CLTC: variants seen among roughly 807,000 people sequenced by gnomAD.
CLTC encodes clathrin heavy chain 1.
In CLTC, 16 loss-of-function variants were observed where a neutral mutation model predicts 195.8. The observed-to-expected ratio is 0.08, with a 90% CI of 0.06 to 0.12. The LOEUF (loss-of-function observed/expected upper bound fraction) is 0.12, where lower values mean the gene tolerates loss of function less well. CLTC is among the 10% of genes least tolerant of loss of function. The pLI, the probability that CLTC is intolerant of heterozygous loss-of-function variation, is 1.00. For synonymous variants in CLTC, 667 were observed against 689.4 expected, an observed-to-expected ratio of 0.97 and a Z score of 0.51; for missense variants, 796 against 2,027.0, an observed-to-expected ratio of 0.39 and a Z score of 11.66.
intron 4 of CLTC, among the ~76,000 whole-genome samples, chr17:59,650,408 G>T (rs1000950823): frequency 1.1e-4 from 16 of 151,386 alleles, no homozygotes; most frequent in Admixed American, 2.0e-4. Flanking sequence ...ACCATTGTAG[G>T]TAATGTATTA....
At chr17:59,646,018 T>C in intron 2 of CLTC, 2 of 816,398 alleles carry the variant, frequency 2.4e-6, no homozygotes, top group Non-Finnish European at 1.5e-6. Context: ...TGTGTGCAGA[T>C]GGTGAGTTAT....
chr17:59,625,027 C>A (rs1245862656), intron 1 of CLTC, among the ~76,000 whole-genome samples: 1 of 151,766 alleles, frequency 6.6e-6, no homozygotes, highest in Non-Finnish European at 1.5e-5. Context: ...AATATTATTT[C>A]AATATGTAAT....
rs541743188 is a variant in CLTC, at chr17:59,636,487, G to A, written c.43-7789G>A. Among the ~76,000 whole-genome samples the A allele has an allele frequency of 1.1e-4, 16 of 152,044 alleles. No homozygotes were observed. In the South Asian group the frequency reaches 3.3e-3, roughly 32 times the overall value. ...TTTATTTTTTTGGAGACAGAGTCTTGCTCTGTCGCCCAGGCTGGAGTGCGG... is the reference window on the plus strand; with the variant it reads ...TTTATTTTTTTGGAGACAGAGTCTTACTCTGTCGCCCAGGCTGGAGTGCGG... On this transcript the variant is annotated intron_variant, in intron 1 of 31. Transcript: ENST00000269122.
intron 7 of CLTC, among the ~76,000 whole-genome samples, chr17:59,660,948 A>T (rs1236415086): frequency 6.6e-6 from 1 of 152,208 alleles, no homozygotes; most frequent in Admixed American, 6.5e-5. Flanking sequence ...GTCCAATTTT[A>T]TAGTGGGTAG....
At chr17:59,680,214 A>G (rs920624625) in intron 18 of CLTC, among the ~76,000 whole-genome samples, 2 of 152,176 alleles carry the variant, frequency 1.3e-5, no homozygotes, top group Non-Finnish European at 2.9e-5. Context: ...CTTCAAGATA[A>G]TAAGTCAGAA....
At chr17:59,627,090 G>A (rs1002092211) in intron 1 of CLTC, among the ~76,000 whole-genome samples, 2 of 151,952 alleles carry the variant, frequency 1.3e-5, no homozygotes, top group African/African-American at 4.8e-5. Flanking sequence ...TTGTAGAGTC[G>A]GGGTTTTGCC....
chr17:59,681,900 AT>A lies in CLTC; in HGVS notation c.3442+62del. Reference sequence around the variant, plus strand: ...AAATGATTAAGCTAAGCATTAAGATATCTGTCTATTCTGAATTTTAGAAGAG... The same window carrying A: ...AAATGATTAAGCTAAGCATTAAGATACTGTCTATTCTGAATTTTAGAAGAG... On this transcript the variant is annotated intron_variant, in intron 21 of 31. Transcript: ENST00000269122. This position sits in a 1 kb window ranked among gnomAD's most constrained non-coding sequence, Gnocchi z 5.0. The A allele has an allele frequency of 7.1e-7, 1 of 1,414,820 alleles. No homozygotes were observed. Among genetic ancestry groups the A allele is most frequent in the Non-Finnish European group, 9.6e-7 (1 of 1,037,028 alleles). 87.6% of individuals were successfully genotyped at this position (1,414,820 alleles called of 1,614,324 possible). A position where few individuals can be genotyped will look rare whatever the true frequency, so the allele number is the denominator to read the frequency against.
chr17:59,664,996 G>T, intron 10 of CLTC, 87 bp downstream of exon 10: 2 of 1,529,866 alleles, frequency 1.3e-6, no homozygotes, highest in South Asian at 1.2e-5. Context: ...AGTCCAAGGT[G>T]GGAGTATTGC....
At chr17:59,627,656 A>G (rs2031592007) in intron 1 of CLTC, among the ~76,000 whole-genome samples, 1 of 152,226 alleles carries the variant, frequency 6.6e-6, no homozygotes, top group Admixed American at 6.5e-5. Context: ...ATCTGACTTT[A>G]TGCCTTGAAT....
At chr17:59,629,762 G>A (rs957350047) in intron 1 of CLTC, among the ~76,000 whole-genome samples, 4 of 151,898 alleles carry the variant, frequency 2.6e-5, no homozygotes, top group Admixed American at 1.3e-4. Flanking sequence ...CTTGTGATCC[G>A]CCTGCTTTGG....
In CLTC at chr17:59,632,346, C is replaced by T. The variant is rs960459392; in HGVS notation, c.43-11930C>T. On this transcript the variant is annotated intron_variant, in intron 1 of 31. Transcript: ENST00000269122. Reference sequence around the variant, plus strand: ...TAGCTCCACTGCACTCCAGCCTGGGCGAAAGAGCAAGAATCCATCTCAAAA... The same window carrying T: ...TAGCTCCACTGCACTCCAGCCTGGGTGAAAGAGCAAGAATCCATCTCAAAA... Among the ~76,000 whole-genome samples, 65 of 121,978 alleles carry T rather than the reference C, an allele frequency of 5.3e-4. 1 individual carries two copies. Among genetic ancestry groups the T allele is most frequent in the African/African-American group, 1.9e-3 (62 of 32,360 alleles). The allele number at this position is 121,978 out of a possible 152,430, so 80.0% of individuals were successfully genotyped here. A position where few individuals can be genotyped will look rare whatever the true frequency, so the allele number is the denominator to read the frequency against.
At chr17:59,675,925 T>A (rs946817030) in intron 16 of CLTC, among the ~76,000 whole-genome samples, 2 of 152,250 alleles carry the variant, frequency 1.3e-5, no homozygotes, top group African/African-American at 4.8e-5. Context: ...GATTTTTGCC[T>A]CTATTTATTA....
intron 1 of CLTC, among the ~76,000 whole-genome samples, chr17:59,632,734 C>T (rs374579955): frequency 6.6e-6 from 1 of 152,044 alleles, no homozygotes; most frequent in Non-Finnish European, 1.5e-5. Context: ...GTTTTTTAAC[C>T]CTGAATTTTA....
In CLTC at chr17:59,666,369, A is replaced by G. The variant is rs2032732555; in HGVS notation, c.1783-111A>G. 2 of 1,477,478 alleles carry G rather than the reference A, an allele frequency of 1.4e-6. No individual in the cohort carries two copies. The highest frequency in any genetic ancestry group is 9.2e-7 in the Non-Finnish European group (1 of 1,086,042). The allele number at this position is 1,477,478 out of a possible 1,614,324, so 91.5% of individuals were successfully genotyped here. A position where few individuals can be genotyped will look rare whatever the true frequency, so the allele number is the denominator to read the frequency against. On this transcript the variant is annotated intron_variant, in intron 11 of 31. Transcript: ENST00000269122. The surrounding 1 kb of genome is among the most constrained non-coding windows in gnomAD (Gnocchi z 4.9). Reference sequence around the variant, plus strand: ...TTAAAGAAAATGTAGCTATTATAATATTCTTTTGTACTTTAACAGTTCACT... The same window carrying G: ...TTAAAGAAAATGTAGCTATTATAATGTTCTTTTGTACTTTAACAGTTCACT...
Position 59,682,428 on chromosome 17 carries a change from A to G in CLTC, c.3600A>G (p.Gln1200=). 1.2e-6 allele frequency: 2 copies of G among 1,613,960 alleles called. No individual in the cohort carries two copies. The highest frequency in any genetic ancestry group is 8.5e-7 in the Non-Finnish European group (1 of 1,179,918). ...INGPNNAHIQ[Q]VGDRCYDEKM... is the part of the protein sequence containing the mutation. ...GACCAAATAATGCTCATATCCAACA[A>G]GTGGGTTTCCTTTTCAGATTTAAGA... is the stretch of plus-strand genomic sequence containing the variant. Residue 1200 remains glutamine, a splice_region_variant and synonymous_variant, in exon 22 of 32, where the codon CAA becomes CAG. Coordinates refer to ENST00000269122, the MANE Select transcript of CLTC (RefSeq NM_004859.4). This position sits in a 1 kb window ranked among gnomAD's most constrained non-coding sequence, Gnocchi z 6.8.
At chr17:59,624,186 T>TGGCTTTTTTTTCCTGGCTAATTTTTC (rs2031471391) in intron 1 of CLTC, among the ~76,000 whole-genome samples, 1 of 152,142 alleles carries the variant, frequency 6.6e-6, no homozygotes, top group South Asian at 2.1e-4. Flanking sequence ...AAAGTGAGAC[T>TGGCTTTTTTTTCCTGGCTAATTTTTC]CATAAAGTAG....
At position 59,668,902 on chromosome 17, in the gene CLTC, A is replaced by C; in HGVS notation, c.2254A>C (p.Asn752His). 2 of 1,613,250 alleles carry C rather than the reference A, an allele frequency of 1.2e-6. No individual in the cohort carries two copies. The highest frequency in any genetic ancestry group is 1.7e-6 in the Non-Finnish European group (2 of 1,179,694). The change falls in exon 14 of 32, where the codon AAC (asparagine) becomes CAC (histidine). Residue 752 changes from asparagine to histidine, a missense_variant. Around this residue, in one of 9 missense-constraint regions of CLTC, gnomAD observed 160 missense variants for 448.2 expected, o/e 0.36. Coordinates refer to ENST00000269122, the MANE Select transcript of CLTC (RefSeq NM_004859.4). ...AGTAGAAAGAATCTGTAGAGAAAGC[A>C]ACTGCTACGATCCTGAGCGAGTCAA... Reference protein sequence around the residue: ...KEVERICRESNCYDPERVKNF... With the variant: ...KEVERICRESHCYDPERVKNF...
chr17:59,627,048 G>A (rs879910083), intron 1 of CLTC, among the ~76,000 whole-genome samples: 36 of 138,156 alleles, frequency 2.6e-4, no homozygotes, highest in African/African-American at 9.1e-4. Flanking sequence ...ACAGGCGTGC[G>A]CCACCAAACC....
rs1227257612 is a variant in CLTC at position 59,620,121 on chromosome 17, C to G, written c.-11C>G. 1.2e-6 allele frequency: 2 copies of G among 1,614,110 alleles called. No homozygotes were observed. The highest frequency in any genetic ancestry group is 1.7e-5 in the Admixed American group (1 of 60,024). ...CAGTGACAGGAGGAGACCATAACCC[C>G]CGACAGCGCCATGGCCCAGATTCTG... On this transcript the variant is annotated 5_prime_UTR_variant, in exon 1 of 32. Transcript: ENST00000269122.
Sources: gnomAD v4.1 joint callset for allele counts (sites outside exome capture counted in the v4.1 genomes callset) on GRCh38, gnomAD v4.1.1 for gene constraint, gnomAD v4.1.1 regional missense constraint, Gnocchi (gnomAD v3.1) non-coding constraint, MANE v1.5 for transcripts, NCBI Gene and HGNC (gene_info 2026-07-23, HGNC 2026-07-21) for gene names.